INSIG2: variants seen among roughly 807,000 people sequenced by gnomAD.
The protein encoded by INSIG2 is insulin-induced gene 2 protein.
Under a neutral mutation model 27.2 loss-of-function variants are expected in INSIG2, and 10 were observed. The ratio of observed to expected loss-of-function variants is 0.37; its 90% confidence interval spans 0.23 to 0.62. The LOEUF (loss-of-function observed/expected upper bound fraction) is 0.62. Ranked by LOEUF, INSIG2 falls within the 20% of genes least tolerant of loss-of-function variation. The pLI is 0.65. For synonymous variants in INSIG2, 97 were observed against 95.8 expected (o/e 1.01, Z -0.07); for missense variants, 178 against 270.2 (o/e 0.66, Z 2.39).
chr2:118,096,886 AAAG>A (rs1558834027), intron 2 of INSIG2, 86 bp downstream of exon 2: 1 of 1,377,310 alleles, frequency 7.3e-7, no homozygotes, highest in Non-Finnish European at 9.8e-7. Context: ...CCTTTTTAAA[AAAG>A]AAAATATATT....
chr2:118,098,266 A>G (rs981243785), intron 2 of INSIG2, among the ~76,000 whole-genome samples: 5 of 152,192 alleles, frequency 3.3e-5, no homozygotes, highest in African/African-American at 1.2e-4. Flanking sequence ...ATGTCTTTTC[A>G]GGATAGAACA....
chr2:118,106,487 T>C (rs1678675241), intron 3 of INSIG2, among the ~76,000 whole-genome samples: 3 of 152,240 alleles, frequency 2.0e-5, no homozygotes, highest in African/African-American at 7.2e-5. Flanking sequence ...TGTTTTGTTT[T>C]GTTTTTTGTT....
chr2:118,095,450 A>G (rs1163558851), intron 1 of INSIG2, among the ~76,000 whole-genome samples: 1 of 152,164 alleles, frequency 6.6e-6, no homozygotes, highest in Non-Finnish European at 1.5e-5. Context: ...TTTTTGCGTC[A>G]CCTATAAAAT....
At chr2:118,101,751 T>A (rs1678550584) in intron 2 of INSIG2, among the ~76,000 whole-genome samples, 1 of 152,218 alleles carries the variant, frequency 6.6e-6, no homozygotes, top group Non-Finnish European at 1.5e-5. Context: ...GATTTTTAAA[T>A]AGGAATATAG....
chr2:118,100,481 C>T (rs1305528813), intron 2 of INSIG2, among the ~76,000 whole-genome samples: 1 of 144,694 alleles, frequency 6.9e-6, no homozygotes, highest in African/African-American at 2.5e-5. Context: ...CAGCTTCAAG[C>T]GATTCTCCTG....
Position 118,110,682 on chromosome 2 carries a change from ATTT to A in INSIG2, c.*2365_*2367del. ...ATAAATATATAAATGTATAGAACCT[ATTT>A]TTTTCAATGAAAGAAAATGGGAAAC... is the stretch of plus-strand genomic sequence containing the variant. On this transcript the variant is annotated 3_prime_UTR_variant, in exon 6 of 6. Transcript: ENST00000245787. 1 of 152,156 alleles carries A rather than the reference ATTT, an allele frequency of 6.6e-6. No individual in the cohort carries two copies. Among genetic ancestry groups the A allele is most frequent in the Non-Finnish European group, 1.5e-5 (1 of 68,026 alleles). 9.4% of individuals were successfully genotyped at this position (152,156 alleles called of 1,614,324 possible).
In INSIG2 at chr2:118,106,770, C is replaced by G. The variant is rs1678682128; in HGVS notation, c.403C>G (p.Leu135Val). The change falls in exon 4 of 6, where the codon CTC (leucine) becomes GTC (valine). Residue 135 changes from leucine (L) to valine (V), a missense_variant. Transcript: ENST00000245787. ...TTTCGATAACAACATACAGTTGTCT[C>G]TCACACTGGCTGCACTATCCATTGG... ...VDFDNNIQLSLTLAALSIGLW... is the reference protein window; with the variant it reads ...VDFDNNIQLSVTLAALSIGLW... 7 of 1,613,946 alleles carry G rather than the reference C, an allele frequency of 4.3e-6. No homozygotes were observed. Among genetic ancestry groups the G allele is most frequent in the South Asian group, 1.1e-5 (1 of 91,072 alleles).
At chr2:118,108,127 T>A (rs1296229406) in intron 5 of INSIG2, among the ~76,000 whole-genome samples, 154 bp from the exon 6 acceptor site, 1 of 152,202 alleles carries the variant, frequency 6.6e-6, no homozygotes, top group Non-Finnish European at 1.5e-5. Context: ...ATTTGTCATT[T>A]AATCATAGTA....
At chr2:118,102,366 A>G (rs1281970010) in intron 2 of INSIG2, among the ~76,000 whole-genome samples, 1 of 152,388 alleles carries the variant, frequency 6.6e-6, no homozygotes, top group African/African-American at 2.4e-5. Context: ...GACATTTTAT[A>G]TACAGTTATG....
intron 1 of INSIG2, among the ~76,000 whole-genome samples, chr2:118,091,205 C>T (rs1369176587): frequency 6.6e-6 from 1 of 152,136 alleles, no homozygotes; most frequent in Non-Finnish European, 1.5e-5. Flanking sequence ...GAAAATAACC[C>T]ACTCCTCTGA....
At position 118,108,302 on chromosome 2, in the gene INSIG2, GA is replaced by G; in HGVS notation, c.663del (p.Lys221AsnfsTer19). The G allele has an allele frequency of 6.3e-7, 1 of 1,594,496 alleles. No homozygotes were observed. Among genetic ancestry groups the G allele is most frequent in the Non-Finnish European group, 8.5e-7 (1 of 1,171,054 alleles). ...GCAGTACGAATGTAAAGTTATCGCA[GA>G]AAAATCTCATCAGGAATGAAGAAGG... ...LAMYECKVIA[E>X]KSHQE On this transcript the variant is annotated frameshift_variant, in exon 6 of 6. Transcript: ENST00000245787. LOFTEE classifies it high-confidence loss of function.
chr2:118,093,288 AGAT>A (rs375383863), intron 1 of INSIG2, among the ~76,000 whole-genome samples: 2,096 of 36,846 alleles, frequency 0.057, 323 homozygotes, highest in Non-Finnish European at 0.073. Context: ...GAAAGCAACC[AGAT>A]GATGATGATG....
chr2:118,104,202 ACT>A (rs1305958990), intron 3 of INSIG2, among the ~76,000 whole-genome samples: 2 of 152,046 alleles, frequency 1.3e-5, no homozygotes, highest in Non-Finnish European at 1.5e-5. Context: ...TGCTCTTATA[ACT>A]CTGCACTGGA....
rs553781951 is a variant in INSIG2, at chr2:118,110,950, G to A, written c.*2628G>A. 2.0e-5 allele frequency: 3 copies of A among 152,162 alleles called. No individual in the cohort carries two copies. Among genetic ancestry groups the A allele is most frequent in the Non-Finnish European group, 2.9e-5 (2 of 68,032 alleles). The allele number at this position is 152,162 out of a possible 1,614,324, so 9.4% of individuals were successfully genotyped here. A position where few individuals can be genotyped will look rare whatever the true frequency, so the allele number is the denominator to read the frequency against. On this transcript the variant is annotated 3_prime_UTR_variant, in exon 6 of 6. Transcript: ENST00000245787. Reference sequence around the variant, plus strand: ...TGTTTCATACATCTTGTATTTTCCAGGTAGAAGTCAGACTTGGTTAATACC... The same window carrying A: ...TGTTTCATACATCTTGTATTTTCCAAGTAGAAGTCAGACTTGGTTAATACC...
chr2:118,108,289 T>C lies in INSIG2; in HGVS notation c.645T>C (p.Cys215=). 1 of 1,593,768 alleles carries C rather than the reference T, an allele frequency of 6.3e-7. No individual in the cohort carries two copies. The highest frequency in any genetic ancestry group is 1.8e-5 in the Admixed American group (1 of 56,036). ...CCTTTTAATTTTTGCAGTACGAATG[T>C]AAAGTTATCGCAGAAAAATCTCATC... is the stretch of plus-strand genomic sequence containing the variant. ...NIGRQLAMYE[C]KVIAEKSHQE Residue 215 remains cysteine, a synonymous_variant, in exon 6 of 6, where the codon TGT becomes TGC. Transcript: ENST00000245787.
At chr2:118,105,284 G>A (rs1049262759) in intron 3 of INSIG2, among the ~76,000 whole-genome samples, 2 of 152,002 alleles carry the variant, frequency 1.3e-5, no homozygotes, top group East Asian at 1.9e-4. Flanking sequence ...CTTGTGATTC[G>A]CCCACCTCGG....
chr2:118,108,466 A>G lies in INSIG2; in HGVS notation c.*144A>G. ...CGTGTGTGTATATATGGATAAATAT[A>G]TATATACACACACACATATTACTGC... On this transcript the variant is annotated 3_prime_UTR_variant, in exon 6 of 6. Coordinates refer to ENST00000245787, the MANE Select transcript of INSIG2 (RefSeq NM_016133.4). 8.9e-6 allele frequency: 5 copies of G among 559,618 alleles called. No homozygotes were observed. The highest frequency in any genetic ancestry group is 2.8e-4 in the Middle Eastern group (1 of 3,578). 34.7% of individuals were successfully genotyped at this position (559,618 alleles called of 1,614,324 possible).
At chr2:118,103,088 T>G (rs1297856191) in intron 2 of INSIG2, 109 bp from the exon 3 acceptor site, 2 of 1,009,904 alleles carry the variant, frequency 2.0e-6, no homozygotes, top group Non-Finnish European at 2.8e-6. Context: ...TTGTTTTTTT[T>G]TTTTTAAGAA....
chr2:118,109,824 C>T lies in INSIG2; in HGVS notation c.*1502C>T, dbSNP rs1246936655. The T allele has an allele frequency of 6.6e-6, 1 of 152,338 alleles. No individual in the cohort carries two copies. The highest frequency in any genetic ancestry group is 1.9e-4 in the East Asian group (1 of 5,188). 9.4% of individuals were successfully genotyped at this position (152,338 alleles called of 1,614,324 possible). ...ATTGAATATGTGTACACAATCTTAA[C>T]TATCGTGGTGGAAAACATACTACTA... On this transcript the variant is annotated 3_prime_UTR_variant, in exon 6 of 6. Transcript: ENST00000245787.
Sources: gnomAD v4.1 joint callset for allele counts (sites outside exome capture counted in the v4.1 genomes callset) on GRCh38, gnomAD v4.1.1 for gene constraint, MANE v1.5 for transcripts, NCBI Gene and HGNC (gene_info 2026-07-23, HGNC 2026-07-21) for gene names.